Variants in THRB observed in about 807,000 individuals in gnomAD.
THRB encodes thyroid hormone receptor beta.
Under a neutral mutation model 47.8 loss-of-function variants are expected in THRB, and 12 were observed. The ratio of observed to expected loss-of-function variants is 0.25; its 90% CI spans 0.16 to 0.41. THRB has a LOEUF of 0.41. Ranked by LOEUF, THRB falls within the 10% of genes least tolerant of loss-of-function variation. The pLI, the probability that THRB is intolerant of heterozygous loss-of-function variation, is 1.00. For missense variants in THRB, 348 were observed against 589.2 expected (o/e 0.59, Z 4.24); for synonymous variants, 218 against 212.2 (o/e 1.03, Z -0.24).
At chr3:24,193,548 T>C (rs2043599795) in intron 4 of THRB, among the ~76,000 whole-genome samples, 1 of 152,238 alleles carries the variant, frequency 6.6e-6, no homozygotes, top group African/African-American at 2.4e-5. Flanking sequence ...AAGTCATCCA[T>C]TGTTTTGAGG....
At chr3:24,233,751 G>A (rs1176373155) in intron 3 of THRB, among the ~76,000 whole-genome samples, 1 of 152,186 alleles carries the variant, frequency 6.6e-6, no homozygotes, top group East Asian at 1.9e-4. Context: ...AAAGGGAAGA[G>A]TCACATGAGG....
intron 1 of THRB, among the ~76,000 whole-genome samples, chr3:24,354,983 A>C (rs1413456041): frequency 6.6e-6 from 1 of 152,180 alleles, no homozygotes; most frequent in Non-Finnish European, 1.5e-5. Flanking sequence ...AAATTTAAGG[A>C]GGAAAAGACA....
At chr3:24,288,111 T>C (rs1341691907) in intron 3 of THRB, among the ~76,000 whole-genome samples, 1 of 152,178 alleles carries the variant, frequency 6.6e-6, no homozygotes, top group African/African-American at 2.4e-5. Context: ...TTTTATTCTG[T>C]CCCAAATATA....
At chr3:24,274,753 A>G (rs978974238) in intron 3 of THRB, among the ~76,000 whole-genome samples, 5 of 152,144 alleles carry the variant, frequency 3.3e-5, no homozygotes, top group East Asian at 1.9e-4. Flanking sequence ...TGCTTCCCCA[A>G]TTGGTGGTTG....
chr3:24,231,182 C>A (rs1320352070), intron 3 of THRB, among the ~76,000 whole-genome samples: 1 of 152,218 alleles, frequency 6.6e-6, no homozygotes, highest in East Asian at 1.9e-4. Flanking sequence ...AGAATCCTGA[C>A]TGATAATATT....
At chr3:24,398,671 G>A (rs1331632823) in intron 1 of THRB, among the ~76,000 whole-genome samples, 3 of 152,096 alleles carry the variant, frequency 2.0e-5, no homozygotes, top group South Asian at 2.1e-4. Context: ...TCAGTGTGGC[G>A]ATTCCTCAGG....
intron 4 of THRB, among the ~76,000 whole-genome samples, chr3:24,205,615 A>C (rs2045238333): frequency 1.3e-5 from 2 of 152,206 alleles, no homozygotes; most frequent in Non-Finnish European, 2.9e-5. Flanking sequence ...TAACCAGCTA[A>C]CATCATAATG....
intron 1 of THRB, among the ~76,000 whole-genome samples, chr3:24,493,372 C>G (rs1698477999): frequency 6.6e-6 from 1 of 152,186 alleles, no homozygotes; most frequent in African/African-American, 2.4e-5. Context: ...GCATACTAAA[C>G]TAAAGCCAAA....
chr3:24,486,658 T>C (rs1280019417), intron 1 of THRB: 1 of 152,224 alleles, frequency 6.6e-6, no homozygotes, highest in Non-Finnish European at 1.5e-5. Context: ...AGGATCTTTT[T>C]CTCACAAGTC....
chr3:24,298,990 G>A (rs1301343864), intron 2 of THRB, among the ~76,000 whole-genome samples: 1 of 152,068 alleles, frequency 6.6e-6, no homozygotes, highest in African/African-American at 2.4e-5. Flanking sequence ...GCTCATGCCT[G>A]TAATCCCAGC....
At chr3:24,349,684 A>C (rs1373288820) in intron 1 of THRB, among the ~76,000 whole-genome samples, 2 of 152,116 alleles carry the variant, frequency 1.3e-5, no homozygotes, top group African/African-American at 2.4e-5. Flanking sequence ...ATGATACAGG[A>C]AAATCAATCC....
chr3:24,264,518 A>G (rs986612483), intron 3 of THRB, among the ~76,000 whole-genome samples: 13 of 112,330 alleles, frequency 1.2e-4, no homozygotes, highest in Non-Finnish European at 1.7e-4. Context: ...TTCCCAGCTG[A>G]CAATGCGTAA....
At chr3:24,217,882 A>G (rs1021355706) in intron 4 of THRB, among the ~76,000 whole-genome samples, 7 of 152,234 alleles carry the variant, frequency 4.6e-5, no homozygotes, top group African/African-American at 1.7e-4. Flanking sequence ...CAGGGATTGC[A>G]GAAAGGAAGA....
chr3:24,154,286 G>A (rs1423032596), intron 5 of THRB, among the ~76,000 whole-genome samples: 1 of 152,130 alleles, frequency 6.6e-6, no homozygotes, highest in East Asian at 1.9e-4. Flanking sequence ...AGAGAAAAAA[G>A]GGAACTAGAA....
intron 1 of THRB, among the ~76,000 whole-genome samples, chr3:24,411,613 G>T (rs2068304762): frequency 6.6e-6 from 1 of 151,680 alleles, no homozygotes; most frequent in African/African-American, 2.4e-5. Context: ...TACGCTACAT[G>T]CTGCCTGACT....
At position 24,121,116 on chromosome 3, in the gene THRB, ATAAT is replaced by A. The variant is rs985569521; in HGVS notation, c.*1764_*1767del. ...TTAGGAATTTAAGTGTTAAAAAAAA[ATAAT>A]TAAAGGAACCAGATTTTTTTTTTCC... On this transcript the variant is annotated 3_prime_UTR_variant, in exon 11 of 11. Coordinates refer to ENST00000646209, the MANE Select transcript of THRB (RefSeq NM_001354712.2). The A allele has an allele frequency of 7.9e-5, 12 of 151,870 alleles. No homozygotes were observed. In the East Asian group the frequency reaches 9.6e-4, roughly 12 times the overall value. 9.4% of individuals were successfully genotyped at this position (151,870 alleles called of 1,614,324 possible).
Position 24,299,792 on chromosome 3 carries a change from T to TTTTTTTTTTTTTG in THRB, c.-188-2422_-188-2421insCAAAAAAAAAAAA, listed in dbSNP as rs2056797710. 1.6e-5 allele frequency among the ~76,000 whole-genome samples: 2 copies of TTTTTTTTTTTTTG among 125,360 alleles called. 1 individual carries two copies. Among genetic ancestry groups the TTTTTTTTTTTTTG allele is most frequent in the Non-Finnish European group, 3.3e-5 (2 of 59,886 alleles). 82.2% of individuals were successfully genotyped at this position (125,360 alleles called of 152,430 possible). On this transcript the variant is annotated intron_variant, in intron 2 of 10. Coordinates refer to ENST00000646209, the MANE Select transcript of THRB (RefSeq NM_001354712.2). ...TTTTTTATTTATTTATTTATTTATT[T>TTTTTTTTTTTTTG]TTTTTTTTTTAGCAAACATACCAGA...
chr3:24,312,755 C>T (rs1216886949), intron 2 of THRB, among the ~76,000 whole-genome samples: 2 of 152,198 alleles, frequency 1.3e-5, no homozygotes, highest in African/African-American at 4.8e-5. Flanking sequence ...TGGGCCACAT[C>T]ACACAGGGCC....
intron 2 of THRB, among the ~76,000 whole-genome samples, chr3:24,327,935 A>G (rs980729768): frequency 3.9e-5 from 6 of 152,234 alleles, no homozygotes; most frequent in African/African-American, 1.4e-4. Flanking sequence ...TATCCTTAAT[A>G]AAGAAAAAAA....
Sources: gnomAD v4.1 joint callset for allele counts (sites outside exome capture counted in the v4.1 genomes callset) on GRCh38, gnomAD v4.1.1 for gene constraint, MANE v1.5 for transcripts, NCBI Gene and HGNC (gene_info 2026-07-23, HGNC 2026-07-21) for gene names.